NPAS3: variants seen among roughly 807,000 people sequenced by gnomAD.
The protein encoded by NPAS3 is neuronal PAS domain-containing protein 3.
NPAS3 carries 14 observed loss-of-function variants against 73.1 expected under a neutral mutation model. That is an observed-to-expected ratio of 0.19 (90% CI 0.13 to 0.30). NPAS3 has a LOEUF of 0.30. Among genes scored for constraint, NPAS3 ranks in the 10% least tolerant of loss-of-function variants. The pLI is 1.00. For missense variants in NPAS3, 1,096 were observed against 1,250.0 expected (o/e 0.88, Z 1.86); for synonymous variants, 620 against 541.5 (o/e 1.14, Z -2.01).
Position 33,774,328 on chromosome 14 carries a change from GT to G in NPAS3, c.853-5del, listed in dbSNP as rs1328252498. 3 of 1,611,020 alleles carry G rather than the reference GT, an allele frequency of 1.9e-6. No homozygotes were observed. The highest frequency in any genetic ancestry group is 2.5e-6 in the Non-Finnish European group (3 of 1,177,602). ...TGACTGGTGTCCTGTACTTAATGTT[GT>G]TTTACAGGTGATTCACATAACAGGC... On this transcript the variant is annotated splice_polypyrimidine_tract_variant and splice_region_variant and intron_variant, in intron 7 of 11. Coordinates refer to ENST00000356141, the Ensembl canonical transcript of NPAS3.
intron 6 of NPAS3, among the ~76,000 whole-genome samples, chr14:33,711,759 C>T (rs973246176): frequency 9.2e-5 from 14 of 152,058 alleles, no homozygotes; most frequent in African/African-American, 3.1e-4. Flanking sequence ...TGGTGAGCAG[C>T]GATCATTAGA....
intron 1 of NPAS3, among the ~76,000 whole-genome samples, chr14:33,047,162 T>G (rs533522221): frequency 6.6e-6 from 1 of 152,324 alleles, no homozygotes. Flanking sequence ...GTATTGTGAT[T>G]GCTAAAATAA....
At chr14:33,028,068 T>C (rs1326095522) in intron 1 of NPAS3, among the ~76,000 whole-genome samples, 1 of 152,130 alleles carries the variant, frequency 6.6e-6, no homozygotes, top group Non-Finnish European at 1.5e-5. Context: ...ATTCAAGAAG[T>C]TTTTTGGGGG....
chr14:33,068,109 G>A (rs2041344540), intron 2 of NPAS3, among the ~76,000 whole-genome samples: 1 of 152,184 alleles, frequency 6.6e-6, no homozygotes, highest in South Asian at 2.1e-4. Context: ...GCTAGGGAAT[G>A]CAAAGATTTT....
intron 4 of NPAS3, among the ~76,000 whole-genome samples, chr14:33,517,329 C>T (rs2053349168): frequency 6.6e-6 from 1 of 152,036 alleles, no homozygotes; most frequent in Non-Finnish European, 1.5e-5. Flanking sequence ...ACCCTATTCA[C>T]CAAAAAACTG....
intron 4 of NPAS3, among the ~76,000 whole-genome samples, chr14:33,540,512 C>T (rs547947105): frequency 6.6e-6 from 1 of 152,326 alleles, no homozygotes; most frequent in South Asian, 2.1e-4. Flanking sequence ...TTTTAAGCCA[C>T]TAAGCCTTTT....
At chr14:33,062,458 T>C (rs2138584913) in intron 2 of NPAS3, among the ~76,000 whole-genome samples, 1 of 152,304 alleles carries the variant, frequency 6.6e-6, no homozygotes, top group South Asian at 2.1e-4. Flanking sequence ...CACCTCTGCC[T>C]TTCTCCTCAC....
chr14:32,986,574 A>G (rs980632311), intron 1 of NPAS3, among the ~76,000 whole-genome samples: 1 of 152,214 alleles, frequency 6.6e-6, no homozygotes, highest in Non-Finnish European at 1.5e-5. Context: ...AATGTGACCT[A>G]AATCTAAAGG....
chr14:33,186,098 T>TC (rs1209581676), intron 2 of NPAS3, among the ~76,000 whole-genome samples: 9 of 152,038 alleles, frequency 5.9e-5, no homozygotes, highest in Admixed American at 2.0e-4. Flanking sequence ...ACAAGTAGAC[T>TC]CCCCCCCACC....
intron 7 of NPAS3, among the ~76,000 whole-genome samples, chr14:33,753,358 T>TAAAA (rs34619014): frequency 3.9e-4 from 51 of 129,458 alleles, no homozygotes; most frequent in South Asian, 1.2e-3. Context: ...GTTAAATTGA[T>TAAAA]AAAAAAAAAA....
At chr14:33,269,420 G>A (rs2040969184) in intron 3 of NPAS3, among the ~76,000 whole-genome samples, 1 of 152,140 alleles carries the variant, frequency 6.6e-6, no homozygotes, top group Non-Finnish European at 1.5e-5. Context: ...TTGAACTCAG[G>A]TCAGAATAGG....
At chr14:33,516,193 A>AATCCTCCCCT (rs2053289194) in intron 4 of NPAS3, among the ~76,000 whole-genome samples, 1 of 152,120 alleles carries the variant, frequency 6.6e-6, no homozygotes, top group South Asian at 2.1e-4. Context: ...AATTTGACAC[A>AATCCTCCCCT]AGTCTTTTAT....
intron 7 of NPAS3, among the ~76,000 whole-genome samples, chr14:33,771,681 G>A (rs1427617659): frequency 3.3e-5 from 5 of 151,914 alleles, no homozygotes; most frequent in South Asian, 2.1e-4. Context: ...GCATGGTGGC[G>A]GGGCCTGTGG....
chr14:33,005,261 G>A (rs1043287297), intron 1 of NPAS3, among the ~76,000 whole-genome samples: 8 of 152,122 alleles, frequency 5.3e-5, no homozygotes, highest in Non-Finnish European at 1.2e-4. Flanking sequence ...AACATGTTGC[G>A]ATGATAGCTA....
intron 2 of NPAS3, among the ~76,000 whole-genome samples, chr14:33,148,887 A>C (rs1021360470): frequency 6.6e-6 from 1 of 152,020 alleles, no homozygotes; most frequent in Admixed American, 6.6e-5. Flanking sequence ...GGGTCTTGCC[A>C]TGTTGTCCAG....
rs142490822 is a variant in NPAS3 at position 33,765,330 on chromosome 14, C to T, written c.853-9007C>T. Among the ~76,000 whole-genome samples, 562 of 151,404 alleles carry T rather than the reference C, an allele frequency of 3.7e-3. 11 individuals are homozygous for T. Among genetic ancestry groups the T allele is most frequent in the Admixed American group, 0.031 (472 of 15,212 alleles). ...AAAAAAACTAAGAGTGAAAAATTAC[C>T]AGCAATCTCTCAGCTCCCCACTGGA... On this transcript the variant is annotated intron_variant, in intron 7 of 11. Transcript: ENST00000356141.
intron 2 of NPAS3, among the ~76,000 whole-genome samples, chr14:33,197,632 A>G (rs1388867736): frequency 6.6e-6 from 1 of 152,214 alleles, no homozygotes; most frequent in African/African-American, 2.4e-5. Flanking sequence ...AAAGCAGAAG[A>G]GATTCAGCTA....
intron 2 of NPAS3, among the ~76,000 whole-genome samples, chr14:33,072,517 A>G (rs2041520819): frequency 6.6e-6 from 1 of 152,224 alleles, no homozygotes. Context: ...CAGTTAAAGA[A>G]CAGCGTGGGC....
chr14:33,322,791 C>G (rs2043515585), intron 3 of NPAS3, among the ~76,000 whole-genome samples: 1 of 152,034 alleles, frequency 6.6e-6, no homozygotes, highest in Admixed American at 6.6e-5. Flanking sequence ...CGTGAAATTT[C>G]AGGTTATAGA....
Sources: allele counts gnomAD v4.1 joint callset (sites outside exome capture counted in the v4.1 genomes callset), GRCh38; gene constraint gnomAD v4.1.1; transcripts MANE v1.5; gene names NCBI Gene and HGNC (gene_info 2026-07-23, HGNC 2026-07-21).